The following ADAD2 variants were observed in gnomAD, a reference collection of about 807,000 sequenced individuals.
The protein encoded by ADAD2 is adenosine deaminase domain-containing protein 2.
A neutral mutation model predicts 54.5 loss-of-function variants in ADAD2; 60 were observed. The observed-to-expected ratio is 1.10, with a 90% CI of 0.89 to 1.36. The LOEUF (loss-of-function observed/expected upper bound fraction) is 1.36, where lower values mean the gene tolerates loss of function less well. Among genes scored for constraint, ADAD2 ranks in the 40% most tolerant of loss-of-function variants. The probability of loss-of-function intolerance (pLI) is 0.00; values close to 1 mark genes in which losing one functional copy is unlikely to be tolerated. For missense variants in ADAD2, 1,103 were observed against 801.3 expected (o/e 1.38, Z -4.54); for synonymous variants, 543 against 366.2 (o/e 1.48, Z -5.51).
intron 9 of ADAD2, 51 bp from the exon 10 acceptor site, chr16:84,196,819 C>A: frequency 6.3e-7 from 1 of 1,598,884 alleles, no homozygotes; most frequent in Non-Finnish European, 8.5e-7. Context: ...CCTGCAGTCC[C>A]TGCCCCCTGC....
In ADAD2 at chr16:84,196,217, C is replaced by A; in HGVS notation, c.1373C>A (p.Pro458His). Reference sequence around the variant, plus strand: ...GTCCTGGGGCCATGCCTGCCACCTCCCTACGTCCGGACCGCCCTGCACCTG... The same window carrying A: ...GTCCTGGGGCCATGCCTGCCACCTCACTACGTCCGGACCGCCCTGCACCTG... ...DSVLGPCLPP[P>H]YVRTALHLFA... Residue 458 changes from proline to histidine, a missense_variant, in exon 8 of 10, where the codon CCC becomes CAC. Transcript: ENST00000315906. 3 of 1,611,020 alleles carry A rather than the reference C, an allele frequency of 1.9e-6. No homozygotes were observed. The highest frequency in any genetic ancestry group is 2.5e-6 in the Non-Finnish European group (3 of 1,179,918).
At position 84,195,366 on chromosome 16, in the gene ADAD2, C is replaced by T. The variant is rs779602767; in HGVS notation, c.804C>T (p.Cys268=). The T allele has an allele frequency of 1.9e-6, 3 of 1,609,364 alleles. No individual in the cohort carries two copies. Among genetic ancestry groups the T allele is most frequent in the African/African-American group, 2.7e-5 (2 of 74,904 alleles). Reference sequence around the variant, plus strand: ...TGGCTCTGGGCACCGGCAGCAGCTGCTGTGCTGGCTGGCTGGAGTTCTCGG... The same window carrying T: ...TGGCTCTGGGCACCGGCAGCAGCTGTTGTGCTGGCTGGCTGGAGTTCTCGG... ...KLVALGTGSS[C]CAGWLEFSGQ... The change falls in exon 5 of 10, where the codon TGC becomes TGT. Residue 268 remains cysteine (C), a synonymous_variant. Transcript: ENST00000315906.
intron 9 of ADAD2, 49 bp downstream of exon 9, chr16:84,196,816 T>TCCCTG: frequency 6.3e-7 from 1 of 1,598,776 alleles, no homozygotes; most frequent in Non-Finnish European, 8.6e-7. Context: ...AGCCCTGCAG[T>TCCCTG]CCCTGCCCCC....
In ADAD2 at chr16:84,195,709, C is replaced by T. The variant is rs1448600564; in HGVS notation, c.1052+12C>T. On this transcript the variant is annotated intron_variant, in intron 6 of 9. Transcript: ENST00000315906. Reference sequence around the variant, plus strand: ...GCCCGTGACATCTAGTATGCAGGGCCCCCGGGGCAGGCGGGGGATGGGGCT... The same window carrying T: ...GCCCGTGACATCTAGTATGCAGGGCTCCCGGGGCAGGCGGGGGATGGGGCT... The T allele has an allele frequency of 2.6e-6, 4 of 1,534,714 alleles. No homozygotes were observed. The highest frequency in any genetic ancestry group is 1.4e-5 in the African/African-American group (1 of 71,556).
In ADAD2 at chr16:84,194,952, C is replaced by A. The variant is rs1597598484; in HGVS notation, c.579C>A (p.Ser193Arg). The change falls in exon 3 of 10, where the codon AGC (serine) becomes AGA (arginine). Residue 193 changes from serine (S) to arginine (R), a missense_variant. By Grantham distance (110) the Ser-to-Arg change is moderately radical (BLOSUM62 -1). Coordinates refer to ENST00000315906, the MANE Select transcript of ADAD2 (RefSeq NM_001145400.2). ...TTTCAGAGTCCCCCCAGACCTCCAG[C>A]CGGCCTCCACTGGCCCCCCTGAGCG... is the stretch of plus-strand genomic sequence containing the variant. ...LENPESPQTS[S>R]RPPLAPLSVE... 6.2e-7 allele frequency: 1 copy of A among 1,612,116 alleles called. No individual in the cohort carries two copies. Among genetic ancestry groups the A allele is most frequent in the African/African-American group, 1.3e-5 (1 of 75,026 alleles).
In ADAD2 at chr16:84,195,823, C is replaced by T. The variant is rs746453271; in HGVS notation, c.1061C>T (p.Pro354Leu). Residue 354 changes from proline to leucine, a missense_variant, in exon 7 of 10, where the codon CCC becomes CTC. Pro to Leu is a moderately conservative substitution (Grantham distance 98). Transcript: ENST00000315906. ...CCCCACCCGGCCCGCAGCCTGCCCCCCACCTCGGAAGGTGGCCTCCCGCAC... is the reference window on the plus strand; with the variant it reads ...CCCCACCCGGCCCGCAGCCTGCCCCTCACCTCGGAAGGTGGCCTCCCGCAC... The part of the protein sequence containing the change: ...KGAARDIYLP[P>L]TSEGGLPHSP... 6.9e-6 allele frequency: 11 copies of T among 1,604,448 alleles called. No individual in the cohort carries two copies. In the Admixed American group the frequency reaches 8.4e-5, roughly 12 times the overall value.
intron 1 of ADAD2, chr16:84,194,002 A>T (rs758575211): frequency 6.4e-7 from 1 of 1,568,692 alleles, no homozygotes; most frequent in Non-Finnish European, 8.7e-7. Flanking sequence ...ATACTGTTTC[A>T]TAGGAAAAGT....
chr16:84,196,718 C>T lies in ADAD2; in HGVS notation c.1598C>T (p.Ala533Val). ...FLRAFHQAAR[A>V]VGKPYLLALK... is the part of the protein sequence containing the mutation. ...CGGGCCTTTCACCAGGCGGCCAGGG[C>T]TGTGGGGAAGCCCTACCTCCTGGCC... Residue 533 changes from alanine to valine, a missense_variant, in exon 9 of 10, where the codon GCT becomes GTT. By Grantham distance (64) the Ala-to-Val change is moderately conservative. Coordinates refer to ENST00000315906, the MANE Select transcript of ADAD2 (RefSeq NM_001145400.2). 1 of 1,613,190 alleles carries T rather than the reference C, an allele frequency of 6.2e-7. No individual in the cohort carries two copies. The highest frequency in any genetic ancestry group is 8.5e-7 in the Non-Finnish European group (1 of 1,179,974).
intron 8 of ADAD2, 84 bp downstream of exon 8, chr16:84,196,454 TC>T: frequency 1.9e-6 from 3 of 1,555,168 alleles, no homozygotes; most frequent in Non-Finnish European, 2.6e-6. Flanking sequence ...CTCAGTCTAA[TC>T]CCAGCGCAAC....
At chr16:84,191,685 A>G in intron 1 of ADAD2, 37 bp downstream of exon 1, 1 of 1,546,796 alleles carries the variant, frequency 6.5e-7, no homozygotes, top group African/African-American at 1.4e-5. Context: ...GCCAGAGGGC[A>G]GAGCCACGGA....
chr16:84,194,647 C>T, intron 2 of ADAD2, 65 bp downstream of exon 2: 1 of 1,557,294 alleles, frequency 6.4e-7, no homozygotes. Flanking sequence ...GCTGGCAGTC[C>T]CGTGGGGAGG....
At chr16:84,195,761 CCAGGGT>C in intron 6 of ADAD2, 48 bp from the exon 7 acceptor site, 2 of 1,541,184 alleles carry the variant, frequency 1.3e-6, no homozygotes, top group African/African-American at 2.8e-5. Context: ...TGGGTGGGGG[CCAGGGT>C]CAGAAGAGCA....
rs766990223 is a variant in ADAD2, at chr16:84,195,318, C to T, written c.756C>T (p.His252=). ...LEREIPRARG[H]VKEIYKLVAL... ...CAGAGATCCCGCGTGCCAGGGGCCA[C>T]GTGAAGGAGATCTACAAGCTGGTGG... The change falls in exon 5 of 10, where the codon CAC becomes CAT. Residue 252 remains histidine (H), a synonymous_variant. Coordinates refer to ENST00000315906, the MANE Select transcript of ADAD2 (RefSeq NM_001145400.2). 1.8e-5 allele frequency: 29 copies of T among 1,610,772 alleles called. No individual in the cohort carries two copies. Among genetic ancestry groups the T allele is most frequent in the Admixed American group, 3.3e-5 (2 of 59,928 alleles).
chr16:84,194,077 C>A, intron 1 of ADAD2: 1 of 1,613,648 alleles, frequency 6.2e-7, no homozygotes, highest in South Asian at 1.1e-5. Flanking sequence ...GGTGGAAGTG[C>A]TCAGAGCCTT....
chr16:84,191,609 C>G lies in ADAD2; in HGVS notation c.379C>G (p.Leu127Val). Residue 127 changes from leucine (L) to valine (V), a missense_variant, in exon 1 of 10, where the codon CTG becomes GTG. Leu to Val is a conservative substitution (Grantham distance 32, BLOSUM62 1). Transcript: ENST00000315906. ...CTTGCTCACGGAGTACGCGGCCAGC[C>G]TGGGCATCTTCCTGCTCTTCCGGGA... ...VSLLTEYAAS[L>V]GIFLLFREDQ... is the part of the protein sequence containing the mutation. 7.1e-6 allele frequency: 11 copies of G among 1,553,624 alleles called. No homozygotes were observed. The highest frequency in any genetic ancestry group is 9.6e-6 in the Non-Finnish European group (11 of 1,148,834).
intron 1 of ADAD2, chr16:84,194,022 T>C (rs531140020): frequency 1.3e-6 from 2 of 1,591,676 alleles, no homozygotes; most frequent in South Asian, 1.1e-5. Context: ...TGTTCAAATA[T>C]AGAGCCCCTG....
chr16:84,195,732 G>A (rs1295995340), intron 6 of ADAD2, 35 bp downstream of exon 6: 2 of 1,529,480 alleles, frequency 1.3e-6, no homozygotes, highest in Admixed American at 2.1e-5. Context: ...GGGGGATGGG[G>A]CTCCCTCGGT....
Position 84,194,539 on chromosome 16 carries a change from G to C in ADAD2, c.516G>C (p.Ala172=). ...AGACGGAGGCCAAACAGCAGGCAGC[G>C]CTCTCTGCCCTCTGCTACATCCGGA... ...NSKTEAKQQA[A]LSALCYIRSQ... is the part of the protein sequence containing the mutation. The change falls in exon 2 of 10, where the codon GCG becomes GCC. Residue 172 remains alanine (A), a synonymous_variant. Coordinates refer to ENST00000315906, the MANE Select transcript of ADAD2 (RefSeq NM_001145400.2). 1.2e-6 allele frequency: 2 copies of C among 1,610,252 alleles called. No individual in the cohort carries two copies. Among genetic ancestry groups the C allele is most frequent in the Non-Finnish European group, 1.7e-6 (2 of 1,178,508 alleles).
rs1310108989 is a variant in ADAD2 at position 84,196,035 on chromosome 16, C to T, written c.1273C>T (p.Leu425Phe). ...HLVSPLYSTS[L>F]ILADSCHDPP... is the part of the protein sequence containing the mutation. ...GGTGTCCCCACTCTACAGCACCAGC[C>T]TCATCCTGGGTGAGCACGTGGTGAG... The change falls in exon 7 of 10, where the codon CTC becomes TTC. Residue 425 changes from leucine (L) to phenylalanine (F), a missense_variant. By Grantham distance (22) the Leu-to-Phe change is conservative. Transcript: ENST00000315906. The T allele has an allele frequency of 5.0e-6, 8 of 1,599,172 alleles. No individual in the cohort carries two copies. The highest frequency in any genetic ancestry group is 1.3e-5 in the African/African-American group (1 of 74,916).
Sources: gnomAD v4.1 joint callset for allele counts on GRCh38, gnomAD v4.1.1 for gene constraint, MANE v1.5 for transcripts, NCBI Gene and HGNC (gene_info 2026-07-23, HGNC 2026-07-21) for gene names.